The following NEO1 variants were observed in gnomAD, a reference collection of about 807,000 sequenced individuals.
NEO1 encodes neogenin 1.
Under a neutral mutation model 159.7 loss-of-function variants are expected in NEO1, and 63 were observed. The ratio of observed to expected loss-of-function variants is 0.39; its 90% CI spans 0.32 to 0.49. The LOEUF is 0.49. Ranked by LOEUF, NEO1 falls within the 20% of genes least tolerant of loss-of-function variation. The pLI, the probability that NEO1 is intolerant of heterozygous loss-of-function variation, is 0.85. For missense variants in NEO1, 1,615 were observed against 1,831.0 expected (o/e 0.88, Z 2.15); for synonymous variants, 633 against 662.0 (o/e 0.96, Z 0.67).
intron 26 of NEO1, 57 bp from the exon 27 acceptor site, chr15:73,298,291 G>A (rs1215248864): frequency 1.4e-5 from 22 of 1,601,262 alleles, no homozygotes; most frequent in Non-Finnish European, 1.9e-5. Context: ...CAAACTGTGG[G>A]ACTGTCACAT....
intron 1 of NEO1, among the ~76,000 whole-genome samples, chr15:73,064,428 G>A (rs2068111968): frequency 6.6e-6 from 1 of 152,106 alleles, no homozygotes; most frequent in Non-Finnish European, 1.5e-5. Context: ...TTAAATGTGT[G>A]TATGATATGA....
intron 7 of NEO1, among the ~76,000 whole-genome samples, chr15:73,192,144 G>A (rs1380026402): frequency 6.6e-6 from 1 of 152,034 alleles, no homozygotes; most frequent in African/African-American, 2.4e-5. Flanking sequence ...TTGGGGTAGA[G>A]TGGAAGTTAT....
At chr15:73,062,332 T>C (rs2068018139) in intron 1 of NEO1, among the ~76,000 whole-genome samples, 1 of 152,266 alleles carries the variant, frequency 6.6e-6, no homozygotes, top group African/African-American at 2.4e-5. Context: ...TTCATGTGTT[T>C]TATTCATATA....
intron 7 of NEO1, among the ~76,000 whole-genome samples, chr15:73,235,342 C>G (rs956887210): frequency 1.3e-5 from 2 of 152,156 alleles, no homozygotes; most frequent in Non-Finnish European, 2.9e-5. Flanking sequence ...CTTGTACTCT[C>G]TAACTCCGAA....
At chr15:73,071,181 CAA>C (rs1429407701) in intron 1 of NEO1, among the ~76,000 whole-genome samples, 2 of 152,054 alleles carry the variant, frequency 1.3e-5, no homozygotes, top group Non-Finnish European at 2.9e-5. Flanking sequence ...CTCCTGGCCT[CAA>C]GAGATCTTCC....
chr15:73,197,490 A>C (rs995556449), intron 7 of NEO1, among the ~76,000 whole-genome samples: 1 of 152,144 alleles, frequency 6.6e-6, no homozygotes, highest in Non-Finnish European at 1.5e-5. Flanking sequence ...TTCCTGGTCA[A>C]TTACTCCATT....
chr15:73,158,683 C>T (rs557036822), intron 5 of NEO1, among the ~76,000 whole-genome samples: 4 of 152,258 alleles, frequency 2.6e-5, no homozygotes, highest in East Asian at 1.9e-4. Flanking sequence ...AGCCATCACA[C>T]CTGTCCTCAC....
At chr15:73,277,125 G>T (rs1311472348) in intron 21 of NEO1, among the ~76,000 whole-genome samples, 1 of 152,198 alleles carries the variant, frequency 6.6e-6, no homozygotes, top group African/African-American at 2.4e-5. Context: ...TCAAACAGTT[G>T]TATATGATGG....
chr15:73,098,162 T>G (rs2070188370), intron 1 of NEO1, among the ~76,000 whole-genome samples: 1 of 152,076 alleles, frequency 6.6e-6, no homozygotes, highest in Non-Finnish European at 1.5e-5. Flanking sequence ...CAGCTTAAAT[T>G]TTTTTGCAGT....
At chr15:73,248,952 G>T in intron 9 of NEO1, 108 bp from the exon 10 acceptor site, 1 of 1,009,576 alleles carries the variant, frequency 9.9e-7, no homozygotes, top group South Asian at 2.0e-5. Flanking sequence ...TGTTTTCTTA[G>T]CTTCTATTAT....
At chr15:73,148,816 T>C (rs1454085712) in intron 5 of NEO1, among the ~76,000 whole-genome samples, 2 of 151,970 alleles carry the variant, frequency 1.3e-5, no homozygotes, top group Non-Finnish European at 2.9e-5. Flanking sequence ...GCCAGAGAAG[T>C]CTCTTAGGTT....
chr15:73,156,745 T>C (rs2033808461), intron 5 of NEO1, among the ~76,000 whole-genome samples: 1 of 152,144 alleles, frequency 6.6e-6, no homozygotes, highest in African/African-American at 2.4e-5. Flanking sequence ...TGGATTGAGT[T>C]GCAGAATTCT....
chr15:73,147,608 T>A (rs898897265), intron 5 of NEO1, among the ~76,000 whole-genome samples: 1 of 152,138 alleles, frequency 6.6e-6, no homozygotes, highest in Admixed American at 6.5e-5. Context: ...GAGGACAAAG[T>A]CATGTCCCTT....
chr15:73,203,252 A>G (rs1015756525), intron 7 of NEO1, among the ~76,000 whole-genome samples: 18 of 152,174 alleles, frequency 1.2e-4, no homozygotes, highest in Admixed American at 4.6e-4. Flanking sequence ...GGTTTTCAGT[A>G]TCATCACCAA....
chr15:73,279,830 A>AT (rs2041609100), intron 22 of NEO1, among the ~76,000 whole-genome samples: 1 of 152,204 alleles, frequency 6.6e-6, no homozygotes, highest in Admixed American at 6.5e-5. Context: ...CCAGGAAGCA[A>AT]TATCAGCATG....
chr15:73,181,628 G>T (rs778301201), intron 7 of NEO1, among the ~76,000 whole-genome samples: 10 of 151,782 alleles, frequency 6.6e-5, no homozygotes, highest in East Asian at 1.9e-4. Flanking sequence ...AGAGTGAGGT[G>T]GGGGGGTGCC....
At chr15:73,223,732 C>T (rs996315577) in intron 7 of NEO1, among the ~76,000 whole-genome samples, 10 of 152,238 alleles carry the variant, frequency 6.6e-5, no homozygotes, top group Admixed American at 2.0e-4. Flanking sequence ...TTATCCATTC[C>T]GCAGTTGTGT....
intron 7 of NEO1, among the ~76,000 whole-genome samples, chr15:73,234,171 G>A (rs1249923073): frequency 6.6e-6 from 1 of 152,170 alleles, no homozygotes. Context: ...AAATGAGGCT[G>A]CAAAGCAAGA....
chr15:73,229,285 G>A (rs2038774823), intron 7 of NEO1, among the ~76,000 whole-genome samples: 1 of 151,768 alleles, frequency 6.6e-6, no homozygotes, highest in African/African-American at 2.4e-5. Flanking sequence ...AGATATTTTT[G>A]TTAAATTTAT....
Sources: gnomAD v4.1 joint callset for allele counts (sites outside exome capture counted in the v4.1 genomes callset) on GRCh38, gnomAD v4.1.1 for gene constraint, MANE v1.5 for transcripts, NCBI Gene and HGNC (gene_info 2026-07-23, HGNC 2026-07-21) for gene names.